Variants in WNT5B observed in about 807,000 individuals in gnomAD.
WNT5B encodes the protein Wnt family member 5B, also known as protein Wnt-5b.
Under a neutral mutation model 36.5 loss-of-function variants are expected in WNT5B, and 18 were observed. That is an observed-to-expected ratio of 0.49 (90% CI 0.34 to 0.73). WNT5B has a LOEUF of 0.73. Ranked by LOEUF, WNT5B falls within the 30% of genes least tolerant of loss-of-function variation. The pLI is 0.01. For synonymous variants in WNT5B, 213 were observed against 212.3 expected (o/e 1.00, Z -0.03); for missense variants, 424 against 508.4 (o/e 0.83, Z 1.60).
At chr12:1,617,311 A>AT (rs2094528215) in intron 1 of WNT5B, among the ~76,000 whole-genome samples, 2 of 54,460 alleles carry the variant, frequency 3.7e-5, no homozygotes, top group Non-Finnish European at 8.6e-5. Context: ...GTAATATATA[A>AT]AATATATATA....
intron 3 of WNT5B, 34 bp from the exon 4 acceptor site, chr12:1,639,650 C>A: frequency 6.8e-7 from 1 of 1,468,098 alleles, no homozygotes; most frequent in South Asian, 1.4e-5. Flanking sequence ...GAGAGGAGAG[C>A]GCACCCGCTT....
At chr12:1,639,301 C>T (rs543620840) in intron 3 of WNT5B, among the ~76,000 whole-genome samples, 206 of 151,836 alleles carry the variant, frequency 1.4e-3, no homozygotes, top group African/African-American at 4.7e-3. Flanking sequence ...CCACGCCCGG[C>T]TAATTTTTTG....
upstream of WNT5B, among the ~76,000 whole-genome samples, chr12:1,628,852 C>T (rs1485521344): frequency 1.3e-5 from 2 of 149,352 alleles, no homozygotes; most frequent in East Asian, 4.2e-4. Flanking sequence ...AGTTCTATGG[C>T]CACTCAAGAA....
At chr12:1,628,423 G>A (rs754248896), upstream of WNT5B, among the ~76,000 whole-genome samples, 7 of 152,140 alleles carry the variant, frequency 4.6e-5, no homozygotes, top group Non-Finnish European at 8.8e-5. Context: ...CCCCCGAAGA[G>A]CCCCGCATTC....
In WNT5B at chr12:1,630,207, C is replaced by T. The variant is rs1246003126; in HGVS notation, c.-58+836C>T. Reference sequence around the variant, plus strand: ...GAGAGTGGCGCAGTGAGCCGGGGCGCGCGGGGCTGCGCTCGTCAGGTCCGG... The same window carrying T: ...GAGAGTGGCGCAGTGAGCCGGGGCGTGCGGGGCTGCGCTCGTCAGGTCCGG... On this transcript the variant is annotated intron_variant, in intron 1 of 4. Transcript: ENST00000397196. The surrounding 1 kb of genome is among the most constrained non-coding windows in gnomAD (Gnocchi z 5.3). 6.1e-6 allele frequency: 6 copies of T among 985,264 alleles called. No individual in the cohort carries two copies. Among genetic ancestry groups the T allele is most frequent in the Non-Finnish European group, 7.2e-6 (6 of 829,864 alleles). The allele number at this position is 985,264 out of a possible 1,614,324, so 61.0% of individuals were successfully genotyped here.
chr12:1,624,377 C>CAAAA (rs34209948), upstream of WNT5B, among the ~76,000 whole-genome samples: 7 of 78,222 alleles, frequency 8.9e-5, no homozygotes, highest in East Asian at 3.8e-4. Context: ...GACTCTGTCT[C>CAAAA]AAAAAAAAAA....
intron 3 of WNT5B, among the ~76,000 whole-genome samples, chr12:1,635,799 G>A (rs372728747): frequency 6.6e-6 from 1 of 152,230 alleles, no homozygotes; most frequent in African/African-American, 2.4e-5. Context: ...CCCGTAGACC[G>A]GGTCCTGTCG....
rs1186835162 is a variant in WNT5B, at chr12:1,630,494, AGCTCAGGCATTTGAT to A, written c.-57-801_-57-787del. Among the ~76,000 whole-genome samples, 1 of 152,130 alleles carries A rather than the reference AGCTCAGGCATTTGAT, an allele frequency of 6.6e-6. No individual in the cohort carries two copies. The highest frequency in any genetic ancestry group is 2.4e-5 in the African/African-American group (1 of 41,426). On this transcript the variant is annotated intron_variant, in intron 1 of 4. Coordinates refer to ENST00000397196, the MANE Select transcript of WNT5B (RefSeq NM_032642.3). This position sits in a 1 kb window ranked among gnomAD's most constrained non-coding sequence, Gnocchi z 5.3. ...TGTGGCATCTGGAAGATGCGTCCTC[AGCTCAGGCATTTGAT>A]GCCAGAGCTGCCGCCTGGCGTCGGC...
At chr12:1,628,872 A>G (rs2154439459), upstream of WNT5B, among the ~76,000 whole-genome samples, 1 of 149,840 alleles carries the variant, frequency 6.7e-6, no homozygotes, top group Middle Eastern at 3.4e-3. Flanking sequence ...ATTGGCTCGC[A>G]TCTGTCTGCC....
rs1245295382 is a variant in WNT5B at position 1,644,816 on chromosome 12, C to T, written c.622-978C>T. On this transcript the variant is annotated intron_variant, in intron 4 of 4. Transcript: ENST00000397196. The surrounding 1 kb of genome is among the most constrained non-coding windows in gnomAD (Gnocchi z 5.1). Reference sequence around the variant, plus strand: ...GCTTTTACATTTTGATTTGGGATAACTCAAGTTCAAATCTACTCCACGTTG... The same window carrying T: ...GCTTTTACATTTTGATTTGGGATAATTCAAGTTCAAATCTACTCCACGTTG... 1.3e-5 allele frequency: 2 copies of T among 152,234 alleles called. No homozygotes were observed. The highest frequency in any genetic ancestry group is 2.9e-5 in the Non-Finnish European group (2 of 68,038). The allele number at this position is 152,234 out of a possible 1,614,324, so 9.4% of individuals were successfully genotyped here. A position where few individuals can be genotyped will look rare whatever the true frequency, so the allele number is the denominator to read the frequency against.
chr12:1,629,605 G>A (rs1565605739), intron 1 of WNT5B, among the ~76,000 whole-genome samples: 1 of 152,036 alleles, frequency 6.6e-6, no homozygotes, highest in Non-Finnish European at 1.5e-5. Flanking sequence ...ACCCCGGGAA[G>A]GACTGGTAGG....
At chr12:1,621,649 C>T (rs1330241138) in intron 1 of WNT5B, among the ~76,000 whole-genome samples, 12 of 152,032 alleles carry the variant, frequency 7.9e-5, no homozygotes, top group Admixed American at 5.2e-4. Flanking sequence ...TCCTGTGATC[C>T]TCCCGCTTCA....
rs534243310 is a variant in WNT5B at position 1,622,435 on chromosome 12, G to A, written c.-58+5292G>A. The stretch of plus-strand genomic sequence containing the variant: ...GCAGTGCCAGCCTTTACTCTTAGAA[G>A]CTGAATGTTACTTATGTCTTTGAGG... On this transcript the variant is annotated intron_variant, in intron 1 of 4. Coordinates refer to the WNT5B transcript ENST00000310594. Among the ~76,000 whole-genome samples, 25 of 152,306 alleles carry A rather than the reference G, an allele frequency of 1.6e-4. No individual in the cohort carries two copies. The Middle Eastern group carries it at 0.017, about 104-fold the overall frequency.
At chr12:1,645,272 C>T (rs1048813162) in intron 4 of WNT5B, among the ~76,000 whole-genome samples, 3 of 152,076 alleles carry the variant, frequency 2.0e-5, no homozygotes, top group African/African-American at 7.2e-5. Flanking sequence ...GGAGTCTTGC[C>T]CTGTTGCCCA....
rs780433207 is a variant in WNT5B at position 1,633,466 on chromosome 12, G to A, written c.328+561G>A. 1.3e-5 allele frequency among the ~76,000 whole-genome samples: 2 copies of A among 152,154 alleles called. No individual in the cohort carries two copies. Among genetic ancestry groups the A allele is most frequent in the Admixed American group, 1.3e-4 (2 of 15,282 alleles). On this transcript the variant is annotated intron_variant, in intron 3 of 4. Transcript: ENST00000397196. This position sits in a 1 kb window ranked among gnomAD's most constrained non-coding sequence, Gnocchi z 4.8. ...GTGAACATGGGGGAAGGGGTCAGAC[G>A]AAAGAAAAGATGAGAGGGAGAGGGC...
upstream of WNT5B, among the ~76,000 whole-genome samples, chr12:1,628,667 T>G (rs1302057339): frequency 1.3e-5 from 2 of 152,128 alleles, no homozygotes; most frequent in African/African-American, 4.8e-5. Flanking sequence ...CACAAAACCG[T>G]CAGCCCCCAT....
rs575342186 is a variant in WNT5B, at chr12:1,629,262, C to T, written c.-167C>T. On this transcript the variant is annotated 5_prime_UTR_variant, in exon 1 of 5. Transcript: ENST00000397196. ...AGCCACAGTGACCATTAGCAGGCACCCAGGCCTGTCTTTGGCTCGGAAACG... is the reference window on the plus strand; with the variant it reads ...AGCCACAGTGACCATTAGCAGGCACTCAGGCCTGTCTTTGGCTCGGAAACG... 1 of 152,140 alleles carries T rather than the reference C, an allele frequency of 6.6e-6. No homozygotes were observed. Among genetic ancestry groups the T allele is most frequent in the African/African-American group, 2.4e-5 (1 of 41,364 alleles). 9.4% of individuals were successfully genotyped at this position (152,140 alleles called of 1,614,324 possible).
Position 1,632,717 on chromosome 12 carries a change from T to A in WNT5B, c.140T>A (p.Val47Glu), listed in dbSNP as rs1420863013. 6.2e-6 allele frequency: 10 copies of A among 1,613,634 alleles called. No homozygotes were observed. Among genetic ancestry groups the A allele is most frequent in the Non-Finnish European group, 6.8e-6 (8 of 1,179,600 alleles). ...PEMFIIGAQP[V>E]CSQLPGLSPG... ...ATGTTTATCATCGGTGCCCAGCCCG[T>A]GTGCAGTCAGCTTCCCGGGCTCTCC... The change falls in exon 3 of 5, where the codon GTG becomes GAG. Residue 47 changes from valine (V) to glutamate (E), a missense_variant. Physicochemically the swap from Val to Glu is moderately radical, Grantham distance 121. Coordinates refer to ENST00000397196, the MANE Select transcript of WNT5B (RefSeq NM_032642.3). The surrounding 1 kb of genome is among the most constrained non-coding windows in gnomAD (Gnocchi z 5.8).
At chr12:1,619,788 C>T (rs938314378) in intron 1 of WNT5B, among the ~76,000 whole-genome samples, 1 of 152,116 alleles carries the variant, frequency 6.6e-6, no homozygotes, top group African/African-American at 2.4e-5. Flanking sequence ...CCTGGCACTG[C>T]GAGAGCAATA....
Sources: gnomAD v4.1 joint callset for allele counts (sites outside exome capture counted in the v4.1 genomes callset) on GRCh38, gnomAD v4.1.1 for gene constraint, Gnocchi (gnomAD v3.1) non-coding constraint, MANE v1.5 for transcripts, NCBI Gene and HGNC (gene_info 2026-07-23, HGNC 2026-07-21) for gene names.